The following ZBED6 variants were observed in gnomAD, a reference collection of about 807,000 sequenced individuals.
The protein encoded by ZBED6 is zinc finger BED domain-containing protein 6.
ZBED6 carries 40 observed loss-of-function variants against 58.4 expected under a neutral mutation model. The observed-to-expected ratio is 0.68, with a 90% CI of 0.53 to 0.89. The LOEUF (loss-of-function observed/expected upper bound fraction) is 0.89, where lower values mean the gene tolerates loss of function less well. Ranked by LOEUF, ZBED6 falls within the 40% of genes least tolerant of loss-of-function variation. The probability of loss-of-function intolerance (pLI) is 0.00; values close to 1 mark genes in which losing one functional copy is unlikely to be tolerated. For synonymous variants in ZBED6, 439 were observed against 350.6 expected, an observed-to-expected ratio of 1.25 and a Z score of -2.82; for missense variants, 1,057 against 1,003.9, an observed-to-expected ratio of 1.05 and a Z score of -0.71.
chr1:203,796,160 A>G, exon 1 of ZBED6: 1 of 325,816 alleles, frequency 3.1e-6, no homozygotes, highest in Non-Finnish European at 5.5e-6. Context: ...GTTCCCCCGA[A>G]TCCCGAAGAG....
At chr1:203,847,520 C>T (rs940074468) in exon 12 of ZBED6, 1 of 1,613,924 alleles carries the variant, frequency 6.2e-7, no homozygotes, top group Non-Finnish European at 8.5e-7. Context: ...GAGGAGCCTG[C>T]AGGTAAAACA....
chr1:203,819,578 A>G (rs1213217162), intron 3 of ZBED6, among the ~76,000 whole-genome samples: 10 of 104,200 alleles, frequency 9.6e-5, no homozygotes, highest in Non-Finnish European at 3.7e-5. Flanking sequence ...CTTGTTGCCC[A>G]GGCTGGAGTG....
chr1:203,833,618 G>GT lies in ZBED6; in HGVS notation c.*3511-155dup, dbSNP rs553171669. On this transcript the variant is annotated intron_variant, in intron 8 of 16. Coordinates refer to ENST00000550078, the Ensembl canonical transcript of ZBED6. ...GGCTGTTTATTATTAATAGGTTTGG[G>GT]TTTTTTTTTTTTTTTTTTGATATAA... Among the ~76,000 whole-genome samples the GT allele has an allele frequency of 4.9e-3, 609 of 124,804 alleles. 6 individuals are homozygous for GT. The highest frequency in any genetic ancestry group is 5.8e-3 in the Non-Finnish European group (351 of 60,342). The allele number at this position is 124,804 out of a possible 152,430, so 81.9% of individuals were successfully genotyped here.
At chr1:203,828,467 A>G (rs745895948) in intron 4 of ZBED6, 45 bp downstream of exon 4, 22 of 1,561,830 alleles carry the variant, frequency 1.4e-5, no homozygotes, top group African/African-American at 2.7e-5. Flanking sequence ...ATGAACACCT[A>G]TTATGCACAC....
chr1:203,841,409 C>T (rs554371473), intron 11 of ZBED6, among the ~76,000 whole-genome samples: 13 of 152,170 alleles, frequency 8.5e-5, no homozygotes, highest in Admixed American at 5.9e-4. Context: ...CATCTTGCAC[C>T]GCCCTTAATC....
At chr1:203,830,640 G>A (rs982155681) in intron 7 of ZBED6, among the ~76,000 whole-genome samples, 1 of 151,988 alleles carries the variant, frequency 6.6e-6, no homozygotes, top group African/African-American at 2.4e-5. Context: ...GTGAAACCCC[G>A]TCTCTACTAA....
chr1:203,809,826 C>T (rs1371278253), intron 1 of ZBED6, among the ~76,000 whole-genome samples: 7 of 151,966 alleles, frequency 4.6e-5, no homozygotes, highest in South Asian at 4.1e-4. Context: ...TGGTGGCAGG[C>T]GCCTGTAATT....
At chr1:203,833,356 C>T (rs1417254608) in intron 8 of ZBED6, among the ~76,000 whole-genome samples, 2 of 115,260 alleles carry the variant, frequency 1.7e-5, no homozygotes, top group African/African-American at 3.4e-5. Context: ...CAGAGTGAGA[C>T]TCTGTCTCAA....
intron 9 of ZBED6, among the ~76,000 whole-genome samples, chr1:203,834,477 G>C (rs1683549679): frequency 6.6e-6 from 1 of 152,024 alleles, no homozygotes; most frequent in African/African-American, 2.4e-5. Flanking sequence ...TCACCATGTT[G>C]CCCAGGCTGG....
chr1:203,843,033 C>G (rs1372132990), intron 11 of ZBED6, among the ~76,000 whole-genome samples: 1 of 151,610 alleles, frequency 6.6e-6, no homozygotes, highest in African/African-American at 2.4e-5. Context: ...CTTTTTATCC[C>G]CCATCCTTAT....
chr1:203,838,936 C>T (rs1289862407), intron 10 of ZBED6, among the ~76,000 whole-genome samples: 2 of 131,690 alleles, frequency 1.5e-5, no homozygotes, highest in Non-Finnish European at 3.1e-5. Context: ...GCCTGGGTGA[C>T]CGAGTGAGAC....
chr1:203,852,666 G>A, exon 17 of ZBED6: 1 of 460,020 alleles, frequency 2.2e-6, no homozygotes, highest in Non-Finnish European at 3.9e-6. Flanking sequence ...ACAAAAAAGA[G>A]ACTGAGAGGG....
intron 13 of ZBED6, among the ~76,000 whole-genome samples, chr1:203,849,264 C>G (rs1173241129): frequency 6.6e-6 from 1 of 152,194 alleles, no homozygotes; most frequent in Non-Finnish European, 1.5e-5. Flanking sequence ...TAATGGAGAA[C>G]TCTACAGTGT....
chr1:203,851,156 C>A (rs148897312), intron 16 of ZBED6, 32 bp downstream of exon 16: 1 of 1,603,566 alleles, frequency 6.2e-7, no homozygotes, highest in African/African-American at 1.3e-5. Flanking sequence ...TAAACAAACT[C>A]CAGGCCCCTG....
chr1:203,826,797 C>T (rs1680665903), intron 3 of ZBED6, among the ~76,000 whole-genome samples: 4 of 152,158 alleles, frequency 2.6e-5, no homozygotes, highest in African/African-American at 7.2e-5. Flanking sequence ...GAGTACTTCT[C>T]ATATCTTTTT....
At chr1:203,842,877 C>T (rs1163181321) in intron 11 of ZBED6, among the ~76,000 whole-genome samples, 1 of 148,762 alleles carries the variant, frequency 6.7e-6, no homozygotes, top group Admixed American at 6.7e-5. Context: ...TATATATGTA[C>T]AGTTTAAGGA....
rs1002778423 is a variant in ZBED6, at chr1:203,800,695, G to A, written c.*233G>A. The A allele has an allele frequency of 1.4e-5, 5 of 356,584 alleles. No individual in the cohort carries two copies. The South Asian group carries it at 4.0e-4, about 28-fold the overall frequency. 22.1% of individuals were successfully genotyped at this position (356,584 alleles called of 1,614,324 possible). A position where few individuals can be genotyped will look rare whatever the true frequency, so the allele number is the denominator to read the frequency against. ...AAATTTTGCTTATACCAATGAGAGA[G>A]AAGATATTTTTAATTAAAAAAAATA... is the stretch of plus-strand genomic sequence containing the variant. On this transcript the variant is annotated 3_prime_UTR_variant, in exon 1 of 17. Coordinates refer to ENST00000550078, the Ensembl canonical transcript of ZBED6.
At chr1:203,820,482 G>GTGTGTGTGTGTGTT (rs1266406820) in intron 3 of ZBED6, among the ~76,000 whole-genome samples, 1 of 151,852 alleles carries the variant, frequency 6.6e-6, no homozygotes, top group Admixed American at 6.6e-5. Context: ...GTGTGTGTGT[G>GTGTGTGTGTGTGTT]TATATTTTGA....
rs373591619 is a variant in ZBED6 at position 203,806,830 on chromosome 1, C to CTTTTTTTTTTTTT, written c.*2554+3819_*2554+3831dup. ...TGAGTGGATATTGCACCTCAGGTTC[C>CTTTTTTTTTTTTT]TTTTTTTTTTTTTTTTTGCTATTTT... On this transcript the variant is annotated intron_variant, in intron 1 of 16. Coordinates refer to ENST00000550078, the Ensembl canonical transcript of ZBED6. 2.5e-5 allele frequency among the ~76,000 whole-genome samples: 3 copies of CTTTTTTTTTTTTT among 117,850 alleles called. 1 individual carries two copies. Among genetic ancestry groups the CTTTTTTTTTTTTT allele is most frequent in the Admixed American group, 8.7e-5 (1 of 11,480 alleles). 77.3% of individuals were successfully genotyped at this position (117,850 alleles called of 152,430 possible). A position where few individuals can be genotyped will look rare whatever the true frequency, so the allele number is the denominator to read the frequency against.
Sources: gnomAD v4.1 joint callset for allele counts (sites outside exome capture counted in the v4.1 genomes callset) on GRCh38, gnomAD v4.1.1 for gene constraint, MANE v1.5 for transcripts, NCBI Gene and HGNC (gene_info 2026-07-23, HGNC 2026-07-21) for gene names.